SPATS2L: variants seen among roughly 807,000 people sequenced by gnomAD.
SPATS2L encodes SPATS2-like protein.
Under a neutral mutation model 59.6 loss-of-function variants are expected in SPATS2L, and 30 were observed. The observed-to-expected ratio is 0.50, with a 90% confidence interval of 0.38 to 0.68. The LOEUF is 0.68. SPATS2L is among the 30% of genes least tolerant of loss of function. SPATS2L has a pLI of 0.00. For synonymous variants in SPATS2L, 252 were observed against 263.5 expected, an observed-to-expected ratio of 0.96 and a Z score of 0.42; for missense variants, 615 against 700.0, an observed-to-expected ratio of 0.88 and a Z score of 1.37.
intron 3 of SPATS2L, among the ~76,000 whole-genome samples, chr2:200,408,131 G>C (rs929736966): frequency 2.0e-5 from 3 of 152,214 alleles, no homozygotes; most frequent in African/African-American, 7.2e-5. Context: ...TCTGGCAGGG[G>C]GTATGGAGAA....
At chr2:200,413,965 A>C (rs576147634) in intron 4 of SPATS2L, among the ~76,000 whole-genome samples, 1 of 152,306 alleles carries the variant, frequency 6.6e-6, no homozygotes, top group Non-Finnish European at 1.5e-5. Flanking sequence ...AGTTTGTCTC[A>C]AAAAATATTT....
intron 8 of SPATS2L, among the ~76,000 whole-genome samples, chr2:200,452,832 A>C (rs1469099879): frequency 6.6e-6 from 1 of 152,172 alleles, no homozygotes; most frequent in Non-Finnish European, 1.5e-5. Flanking sequence ...ATGTTTACCA[A>C]ATAACACTGT....
intron 2 of SPATS2L, among the ~76,000 whole-genome samples, chr2:200,355,496 A>G (rs2080884638): frequency 6.6e-6 from 1 of 152,240 alleles, no homozygotes; most frequent in Non-Finnish European, 1.5e-5. Context: ...CCACACACAC[A>G]AACACACAAA....
chr2:200,403,810 A>G (rs1371955813), intron 3 of SPATS2L, among the ~76,000 whole-genome samples: 2 of 148,640 alleles, frequency 1.3e-5, no homozygotes, highest in Non-Finnish European at 2.9e-5. Context: ...ATGGACCCAC[A>G]GGCCTGCTCA....
intron 11 of SPATS2L, among the ~76,000 whole-genome samples, chr2:200,472,428 C>G (rs145727469): frequency 1.0e-3 from 153 of 152,318 alleles, no homozygotes; most frequent in African/African-American, 3.6e-3. Flanking sequence ...GGGAACTGAT[C>G]AGGGAAGTGA....
At chr2:200,457,298 A>G (rs2085912805) in intron 8 of SPATS2L, among the ~76,000 whole-genome samples, 1 of 152,124 alleles carries the variant, frequency 6.6e-6, no homozygotes, top group South Asian at 2.1e-4. Flanking sequence ...AACTTGGCAG[A>G]GAAGCTCATA....
intron 1 of SPATS2L, among the ~76,000 whole-genome samples, chr2:200,312,415 G>A (rs1399729300): frequency 2.6e-5 from 4 of 152,174 alleles, no homozygotes; most frequent in Non-Finnish European, 5.9e-5. Context: ...GGAGTCCCAT[G>A]GTCTGTAAAG....
At chr2:200,442,405 T>C (rs1214205134) in intron 8 of SPATS2L, among the ~76,000 whole-genome samples, 1 of 152,178 alleles carries the variant, frequency 6.6e-6, no homozygotes, top group African/African-American at 2.4e-5. Flanking sequence ...AAGGTCTCTA[T>C]GCAGCTACCC....
rs188050863 is a variant in SPATS2L, at chr2:200,364,369, T to A, written c.-22-24854T>A. 2.8e-4 allele frequency among the ~76,000 whole-genome samples: 42 copies of A among 152,258 alleles called. 1 individual carries two copies. Among genetic ancestry groups the A allele is most frequent in the South Asian group, 2.5e-3 (12 of 4,822 alleles). On this transcript the variant is annotated intron_variant, in intron 2 of 12. Transcript: ENST00000409140. ...TGTTGTAATTGCTAAATAAAATGAT[T>A]TGTGAGAAGTACTTAGCATAGGGAA...
rs1191843148 is a variant in SPATS2L, at chr2:200,478,403, TA to T, written c.*374del. The T allele has an allele frequency of 6.1e-6, 1 of 163,896 alleles. No individual in the cohort carries two copies. The highest frequency in any genetic ancestry group is 1.3e-5 in the Non-Finnish European group (1 of 76,092). The allele number at this position is 163,896 out of a possible 1,614,324, so 10.2% of individuals were successfully genotyped here. A position where few individuals can be genotyped will look rare whatever the true frequency, so the allele number is the denominator to read the frequency against. ...TAATGTTACAAAAAAGAATTCTTAA[TA>T]ATCAGACAAACATGATCTGCTGAGG... On this transcript the variant is annotated 3_prime_UTR_variant, in exon 13 of 13. Transcript: ENST00000409140.
intron 2 of SPATS2L, among the ~76,000 whole-genome samples, chr2:200,333,706 A>G (rs936171157): frequency 6.6e-6 from 1 of 151,800 alleles, no homozygotes. Flanking sequence ...CCTGTGTCCA[A>G]GTGTTCTCAT....
At chr2:200,356,429 G>A (rs985077604) in intron 2 of SPATS2L, among the ~76,000 whole-genome samples, 2 of 152,064 alleles carry the variant, frequency 1.3e-5, no homozygotes, top group Non-Finnish European at 2.9e-5. Flanking sequence ...AAAGCCAGAA[G>A]TAAAAAAATG....
chr2:200,460,633 C>T (rs2086168975), intron 9 of SPATS2L, among the ~76,000 whole-genome samples: 1 of 151,288 alleles, frequency 6.6e-6, no homozygotes, highest in Non-Finnish European at 1.5e-5. Flanking sequence ...CACCTGTAGT[C>T]CCAGCTACTC....
intron 6 of SPATS2L, among the ~76,000 whole-genome samples, chr2:200,434,400 G>A (rs1024575946): frequency 1.3e-5 from 2 of 151,902 alleles, no homozygotes; most frequent in Non-Finnish European, 2.9e-5. Context: ...AATAAGACAA[G>A]GAACGATTGG....
chr2:200,412,288 C>CTTTT, intron 3 of SPATS2L, 23 bp from the exon 4 acceptor site: 3 of 1,058,762 alleles, frequency 2.8e-6, no homozygotes, highest in African/African-American at 3.4e-5. Context: ...ATTTCTATTT[C>CTTTT]TTTTTTTTTT....
intron 8 of SPATS2L, among the ~76,000 whole-genome samples, chr2:200,446,516 C>T (rs945509674): frequency 1.3e-5 from 2 of 152,118 alleles, no homozygotes; most frequent in African/African-American, 4.8e-5. Flanking sequence ...GGAGAGAGTG[C>T]CGCTGGCATC....
intron 2 of SPATS2L, among the ~76,000 whole-genome samples, chr2:200,341,129 A>G (rs1440366838): frequency 6.6e-6 from 1 of 152,126 alleles, no homozygotes; most frequent in Non-Finnish European, 1.5e-5. Context: ...CATTATCCCA[A>G]CCAATTCTCA....
intron 2 of SPATS2L, among the ~76,000 whole-genome samples, chr2:200,354,178 T>G (rs879757559): frequency 1.3e-5 from 2 of 152,172 alleles, no homozygotes; most frequent in African/African-American, 2.4e-5. Flanking sequence ...ACCATGGAAT[T>G]TAGTGAAGGC....
At chr2:200,398,156 G>T (rs138860411) in intron 3 of SPATS2L, among the ~76,000 whole-genome samples, 8 of 152,266 alleles carry the variant, frequency 5.3e-5, no homozygotes, top group African/African-American at 1.9e-4. Flanking sequence ...GCAACCTCCT[G>T]GGGGGAGTGT....
Sources: gnomAD v4.1 joint callset for allele counts (sites outside exome capture counted in the v4.1 genomes callset) on GRCh38, gnomAD v4.1.1 for gene constraint, MANE v1.5 for transcripts, NCBI Gene and HGNC (gene_info 2026-07-23, HGNC 2026-07-21) for gene names.